The following GALK2 variants were observed in gnomAD, a reference collection of about 807,000 sequenced individuals.
GALK2 encodes the protein N-acetylgalactosamine kinase.
In GALK2, 36 loss-of-function variants were observed where a neutral mutation model predicts 52.4. The observed-to-expected ratio is 0.69, with a 90% CI of 0.53 to 0.91. The LOEUF (loss-of-function observed/expected upper bound fraction) is 0.91, where lower values mean the gene tolerates loss of function less well. Among genes scored for constraint, GALK2 ranks in the 40% least tolerant of loss-of-function variants. GALK2 has a pLI of 0.00. For missense variants in GALK2, 579 were observed against 559.1 expected, an observed-to-expected ratio of 1.04 and a Z score of -0.36; for synonymous variants, 176 against 199.1, an observed-to-expected ratio of 0.88 and a Z score of 0.98.
At chr15:49,323,781 C>G (rs1323357481) in intron 9 of GALK2, among the ~76,000 whole-genome samples, 1 of 152,076 alleles carries the variant, frequency 6.6e-6, no homozygotes, top group Non-Finnish European at 1.5e-5. Context: ...CCTTTTCCTG[C>G]TCTTCAAGAG....
intron 1 of GALK2, chr15:49,195,304 C>CTCA (rs1300816442): frequency 4.9e-4 from 128 of 262,856 alleles, no homozygotes; most frequent in Non-Finnish European, 9.1e-5. Flanking sequence ...AACTCCTGAC[C>CTCA]TCATGATCCA....
intron 5 of GALK2, among the ~76,000 whole-genome samples, chr15:49,266,171 C>A (rs992205917): frequency 6.6e-6 from 1 of 152,052 alleles, no homozygotes; most frequent in Non-Finnish European, 1.5e-5. Flanking sequence ...CCAGGCTAGT[C>A]CAGGCTTGTC....
intron 8 of GALK2, among the ~76,000 whole-genome samples, chr15:49,302,471 T>C (rs1010249976): frequency 6.6e-6 from 1 of 152,118 alleles, no homozygotes; most frequent in Non-Finnish European, 1.5e-5. Flanking sequence ...GCTATGGAAT[T>C]TTCACGTTTA....
At chr15:49,353,619 T>C (rs2042584758) in intron 3 of GALK2, 1 of 151,860 alleles carries the variant, frequency 6.6e-6, no homozygotes, top group African/African-American at 2.4e-5. Context: ...TAAGGGTTTT[T>C]TTTTTTTTTT....
At chr15:49,270,165 A>G (rs2030229620) in intron 5 of GALK2, among the ~76,000 whole-genome samples, 1 of 152,250 alleles carries the variant, frequency 6.6e-6, no homozygotes, top group Non-Finnish European at 1.5e-5. Flanking sequence ...GAATTATACA[A>G]TCCAAAATAT....
chr15:49,163,144 A>G (rs1223624182), intron 1 of GALK2, among the ~76,000 whole-genome samples: 1 of 152,222 alleles, frequency 6.6e-6, no homozygotes, highest in East Asian at 1.9e-4. Context: ...CATCCTTGCC[A>G]ACATTTAGTG....
chr15:49,323,622 G>C (rs2037084214), intron 9 of GALK2, among the ~76,000 whole-genome samples: 1 of 152,118 alleles, frequency 6.6e-6, no homozygotes, highest in Non-Finnish European at 1.5e-5. Flanking sequence ...TACACAAGCA[G>C]AAAATCTTAC....
intron 9 of GALK2, among the ~76,000 whole-genome samples, chr15:49,323,048 G>A (rs2037035255): frequency 6.6e-6 from 1 of 152,036 alleles, no homozygotes; most frequent in Non-Finnish European, 1.5e-5. Context: ...AGAAATTAGT[G>A]GGAATAAGAT....
At chr15:49,340,403 G>GCCCCC (rs373386438) in intron 3 of GALK2, among the ~76,000 whole-genome samples, 18 of 94,376 alleles carry the variant, frequency 1.9e-4, no homozygotes, top group Middle Eastern at 5.5e-3. Flanking sequence ...GCAGTGCCCC[G>GCCCCC]CCCCCCCCCT....
chr15:49,317,702 A>C (rs1327726104), intron 8 of GALK2, among the ~76,000 whole-genome samples: 1 of 152,250 alleles, frequency 6.6e-6, no homozygotes, highest in Non-Finnish European at 1.5e-5. Context: ...AATGTGGCAC[A>C]TATACACCAT....
intron 9 of GALK2, among the ~76,000 whole-genome samples, chr15:49,321,975 G>A (rs1040823806): frequency 8.5e-5 from 13 of 152,150 alleles, no homozygotes; most frequent in African/African-American, 1.4e-4. Flanking sequence ...CTTGGATTCC[G>A]ACTCTCTTTT....
At position 49,201,153 on chromosome 15, in the gene GALK2, T is replaced by C. The variant is rs2087734591; in HGVS notation, c.54-9T>C. 1 of 1,536,812 alleles carries C rather than the reference T, an allele frequency of 6.5e-7. No homozygotes were observed. Among genetic ancestry groups the C allele is most frequent in the African/African-American group, 1.4e-5 (1 of 73,438 alleles). On this transcript the variant is annotated splice_polypyrimidine_tract_variant and intron_variant, in intron 1 of 9. Coordinates refer to ENST00000560031, the MANE Select transcript of GALK2 (RefSeq NM_002044.4). ...ATGATATTCTGAAATATTGTACTTT[T>C]ATTTTCAGGTTACTGAAGCTAAAGG...
chr15:49,247,162 GGT>G (rs934093584), intron 5 of GALK2, among the ~76,000 whole-genome samples: 3 of 152,226 alleles, frequency 2.0e-5, no homozygotes, highest in African/African-American at 7.2e-5. Context: ...AAAGCCCTAA[GGT>G]GAAAGAGAGT....
intron 8 of GALK2, among the ~76,000 whole-genome samples, chr15:49,294,331 GAGA>G (rs2034255742): frequency 6.6e-6 from 1 of 152,090 alleles, no homozygotes; most frequent in African/African-American, 2.4e-5. Flanking sequence ...AAAGAAGTGA[GAGA>G]AGATTATATG....
At chr15:49,160,464 A>C (rs889927060) in intron 1 of GALK2, among the ~76,000 whole-genome samples, 2 of 152,126 alleles carry the variant, frequency 1.3e-5, no homozygotes, top group Non-Finnish European at 2.9e-5. Flanking sequence ...TCAGAAACCT[A>C]TACTTGTAAC....
chr15:49,291,988 A>G (rs529189137), intron 7 of GALK2, among the ~76,000 whole-genome samples: 1 of 152,218 alleles, frequency 6.6e-6, no homozygotes, highest in African/African-American at 2.4e-5. Context: ...CATGAACTGA[A>G]TAAGGATAAA....
intron 8 of GALK2, among the ~76,000 whole-genome samples, chr15:49,314,190 G>A (rs2036223735): frequency 6.6e-6 from 1 of 152,118 alleles, no homozygotes; most frequent in Non-Finnish European, 1.5e-5. Flanking sequence ...ACGTTAATAG[G>A]CAACTCTTTG....
chr15:49,328,600 C>CTGTTGATGATGG lies in GALK2; in HGVS notation c.*444_*455dup. On this transcript the variant is annotated 3_prime_UTR_variant, in exon 10 of 10. Transcript: ENST00000560031. ...TCTTCTTCCTCAAAGTTGTAGTTGT[C>CTGTTGATGATGG]TGTTGATGATGGTGATGATGATGAT... 6.3e-7 allele frequency: 1 copy of CTGTTGATGATGG among 1,595,558 alleles called. No individual in the cohort carries two copies. Among genetic ancestry groups the CTGTTGATGATGG allele is most frequent in the South Asian group, 1.1e-5 (1 of 89,150 alleles).
In GALK2 at chr15:49,329,516, T is replaced by C. The variant is rs2038192288; in HGVS notation, c.*1357T>C. 1 of 985,252 alleles carries C rather than the reference T, an allele frequency of 1.0e-6. No homozygotes were observed. The highest frequency in any genetic ancestry group is 4.7e-5 in the South Asian group (1 of 21,296). The allele number at this position is 985,252 out of a possible 1,614,324, so 61.0% of individuals were successfully genotyped here. A position where few individuals can be genotyped will look rare whatever the true frequency, so the allele number is the denominator to read the frequency against. The stretch of plus-strand genomic sequence containing the variant: ...CTAGAATTTCAGTTTAAGGGAGGCC[T>C]GCGCAAAGCTAGTTTTATTTCTTAA... On this transcript the variant is annotated 3_prime_UTR_variant, in exon 10 of 10. Transcript: ENST00000560031.
Sources: allele counts gnomAD v4.1 joint callset (sites outside exome capture counted in the v4.1 genomes callset), GRCh38; gene constraint gnomAD v4.1.1; transcripts MANE v1.5; gene names NCBI Gene and HGNC (gene_info 2026-07-23, HGNC 2026-07-21).